Variants in GRID2 observed in about 807,000 individuals in gnomAD.
GRID2 encodes the protein glutamate ionotropic receptor delta type subunit 2, also known as glutamate receptor ionotropic, delta-2.
GRID2 carries 33 observed loss-of-function variants against 114.8 expected under a neutral mutation model. The observed-to-expected ratio is 0.29, with a 90% CI of 0.22 to 0.38. The LOEUF is 0.38. Among genes scored for constraint, GRID2 ranks in the 10% least tolerant of loss-of-function variants. GRID2 has a pLI of 1.00. For missense variants in GRID2, 1,184 were observed against 1,257.7 expected (o/e 0.94, Z 0.89); for synonymous variants, 505 against 449.9 (o/e 1.12, Z -1.55).
chr4:93,281,191 C>T (rs1159521850), intron 8 of GRID2, among the ~76,000 whole-genome samples: 1 of 151,458 alleles, frequency 6.6e-6, no homozygotes, highest in Non-Finnish European at 1.5e-5. Context: ...GAGAAGGCCT[C>T]AGAGAAAATA....
chr4:92,986,921 A>G (rs1188430123), intron 2 of GRID2, among the ~76,000 whole-genome samples: 2 of 152,186 alleles, frequency 1.3e-5, no homozygotes, highest in African/African-American at 4.8e-5. Flanking sequence ...ACTGAGTGGT[A>G]TAGGGTCTTT....
At chr4:92,784,167 C>G (rs1316013772) in intron 2 of GRID2, among the ~76,000 whole-genome samples, 2 of 151,932 alleles carry the variant, frequency 1.3e-5, no homozygotes, top group East Asian at 3.9e-4. Flanking sequence ...GAGCATGTTT[C>G]AAAGATACTG....
Position 92,611,111 on chromosome 4 carries a change from T to C in GRID2, c.244+20825T>C, listed in dbSNP as rs536824294. Among the ~76,000 whole-genome samples the C allele has an allele frequency of 3.4e-3, 458 of 135,194 alleles. 2 individuals are homozygous for C. Among genetic ancestry groups the C allele is most frequent in the African/African-American group, 0.012 (442 of 38,128 alleles). The allele number at this position is 135,194 out of a possible 152,430, so 88.7% of individuals were successfully genotyped here. On this transcript the variant is annotated intron_variant, in intron 2 of 15. Transcript: ENST00000282020. ...ATATATATGTGTGTGTGTATATGTG[T>C]GTGTATGTGTGTGTGTGTGCATGTG... is the stretch of plus-strand genomic sequence containing the variant.
chr4:93,261,079 A>G (rs1258503074), intron 8 of GRID2, among the ~76,000 whole-genome samples: 1 of 151,824 alleles, frequency 6.6e-6, no homozygotes, highest in African/African-American at 2.4e-5. Context: ...ATGATATAGT[A>G]TACCTATAAT....
chr4:93,704,580 T>C (rs1727826129), intron 14 of GRID2, among the ~76,000 whole-genome samples: 1 of 152,164 alleles, frequency 6.6e-6, no homozygotes, highest in Non-Finnish European at 1.5e-5. Context: ...TTTGAACTCA[T>C]TAATTATCCC....
intron 2 of GRID2, among the ~76,000 whole-genome samples, chr4:92,938,577 ATTATAC>A (rs997673797): frequency 2.1e-5 from 3 of 145,864 alleles, no homozygotes; most frequent in African/African-American, 7.3e-5. Flanking sequence ...CTTTTTTTTT[ATTATAC>A]TTTAAGTTTT....
At chr4:92,406,831 G>T (rs1455678131) in intron 1 of GRID2, among the ~76,000 whole-genome samples, 1 of 151,902 alleles carries the variant, frequency 6.6e-6, no homozygotes, top group Non-Finnish European at 1.5e-5. Context: ...AAGTTAGTTT[G>T]CTGAGGATAA....
intron 2 of GRID2, among the ~76,000 whole-genome samples, chr4:93,034,442 A>G (rs966993383): frequency 2.6e-5 from 4 of 152,192 alleles, no homozygotes; most frequent in Non-Finnish European, 5.9e-5. Context: ...AGCCGACAAT[A>G]GTAAGAATCC....
intron 2 of GRID2, among the ~76,000 whole-genome samples, chr4:93,052,312 C>T (rs551723938): frequency 1.1e-4 from 16 of 151,986 alleles, no homozygotes; most frequent in Non-Finnish European, 1.3e-4. Flanking sequence ...AGCACACTTA[C>T]GCAACTTTAA....
At chr4:92,479,746 A>G (rs1722490858) in intron 1 of GRID2, among the ~76,000 whole-genome samples, 1 of 152,146 alleles carries the variant, frequency 6.6e-6, no homozygotes, top group Admixed American at 6.6e-5. Context: ...ACGTTAAATG[A>G]TTGATAAGTA....
chr4:92,983,139 T>C (rs905940523), intron 2 of GRID2, among the ~76,000 whole-genome samples: 1 of 152,020 alleles, frequency 6.6e-6, no homozygotes, highest in African/African-American at 2.4e-5. Context: ...ATCAATTAAA[T>C]AAAGTGATTT....
chr4:93,418,776 A>G (rs886127960), intron 9 of GRID2, among the ~76,000 whole-genome samples: 29 of 152,014 alleles, frequency 1.9e-4, no homozygotes, highest in African/African-American at 6.8e-4. Flanking sequence ...ATCATGTTAC[A>G]CCTAAAGTAA....
At chr4:92,814,834 A>G (rs1740811462) in intron 2 of GRID2, among the ~76,000 whole-genome samples, 1 of 152,100 alleles carries the variant, frequency 6.6e-6, no homozygotes, top group Admixed American at 6.6e-5. Context: ...CATGTTCTAT[A>G]GGAGCCAGGT....
At chr4:93,158,483 G>A (rs750677268) in intron 4 of GRID2, among the ~76,000 whole-genome samples, 2 of 151,588 alleles carry the variant, frequency 1.3e-5, no homozygotes, top group African/African-American at 2.4e-5. Flanking sequence ...TTAGGGCCAG[G>A]TACATATGTG....
At chr4:92,894,624 A>C (rs1747030532) in intron 2 of GRID2, among the ~76,000 whole-genome samples, 1 of 152,156 alleles carries the variant, frequency 6.6e-6, no homozygotes, top group Non-Finnish European at 1.5e-5. Flanking sequence ...ACTATGTACT[A>C]TATTGCTCAG....
intron 2 of GRID2, among the ~76,000 whole-genome samples, chr4:92,991,875 C>A (rs1255724742): frequency 6.6e-6 from 1 of 152,114 alleles, no homozygotes; most frequent in East Asian, 1.9e-4. Context: ...AAACAAAACA[C>A]ATTACCACAT....
chr4:93,300,019 A>G (rs892367070), intron 8 of GRID2, among the ~76,000 whole-genome samples: 35 of 152,194 alleles, frequency 2.3e-4, no homozygotes, highest in African/African-American at 7.7e-4. Context: ...TATAACCTAC[A>G]TGCATTCTCG....
intron 4 of GRID2, among the ~76,000 whole-genome samples, chr4:93,185,142 G>A (rs1740283124): frequency 6.6e-6 from 1 of 152,160 alleles, no homozygotes; most frequent in Non-Finnish European, 1.5e-5. Flanking sequence ...TTTAACTTCA[G>A]TGAATTTTTA....
intron 13 of GRID2, among the ~76,000 whole-genome samples, chr4:93,535,520 T>C (rs1391653857): frequency 1.3e-5 from 2 of 152,006 alleles, no homozygotes; most frequent in African/African-American, 4.8e-5. Context: ...ACCAACAGGG[T>C]AACAAGGGTT....
Sources: gnomAD v4.1 joint callset for allele counts (sites outside exome capture counted in the v4.1 genomes callset) on GRCh38, gnomAD v4.1.1 for gene constraint, MANE v1.5 for transcripts, NCBI Gene and HGNC (gene_info 2026-07-23, HGNC 2026-07-21) for gene names.